The following KIF21A variants were observed in gnomAD, a reference collection of about 807,000 sequenced individuals.
The protein encoded by KIF21A is kinesin family member 21A, also known as kinesin-like protein KIF21A.
Under a neutral mutation model 202.9 loss-of-function variants are expected in KIF21A, and 114 were observed. The observed-to-expected ratio is 0.56, with a 90% CI of 0.48 to 0.66. KIF21A has a LOEUF of 0.66. Ranked by LOEUF, KIF21A falls within the 30% of genes least tolerant of loss-of-function variation. The probability of loss-of-function intolerance (pLI) is 0.00; values close to 1 mark genes in which losing one functional copy is unlikely to be tolerated. For missense variants in KIF21A, 1,677 were observed against 1,994.9 expected (o/e 0.84, Z 3.04); for synonymous variants, 667 against 670.8 (o/e 0.99, Z 0.09).
At chr12:39,347,236 CAA>C (rs899673466) in intron 11 of KIF21A, among the ~76,000 whole-genome samples, 2 of 124,806 alleles carry the variant, frequency 1.6e-5, no homozygotes. Flanking sequence ...GCAACAGTGG[CAA>C]AAAAAAAAGG....
intron 11 of KIF21A, among the ~76,000 whole-genome samples, chr12:39,347,246 A>AG (rs1051024614): frequency 1.3e-5 from 2 of 151,286 alleles, no homozygotes; most frequent in East Asian, 1.9e-4. Flanking sequence ...CAAAAAAAAA[A>AG]GGGGGGTGGG....
intron 17 of KIF21A, among the ~76,000 whole-genome samples, chr12:39,336,523 A>T (rs1195409668): frequency 6.6e-6 from 1 of 152,138 alleles, no homozygotes; most frequent in Non-Finnish European, 1.5e-5. Context: ...TCCTACTGTC[A>T]GGGATCTTGG....
chr12:39,384,162 T>A (rs544386102), intron 1 of KIF21A, among the ~76,000 whole-genome samples: 4 of 152,300 alleles, frequency 2.6e-5, no homozygotes, highest in Admixed American at 2.6e-4. Flanking sequence ...GGAAATCAAA[T>A]GTAAAATAAA....
In KIF21A at chr12:39,301,567, G is replaced by A. The variant is rs773513818; in HGVS notation, c.4844C>T (p.Thr1615Ile). 2.5e-6 allele frequency: 4 copies of A among 1,614,022 alleles called. No individual in the cohort carries two copies. The highest frequency in any genetic ancestry group is 1.1e-5 in the South Asian group (1 of 91,086). ...GGILKVWNMDTFMPVGEMKGH... is the reference protein window; with the variant it reads ...GGILKVWNMDIFMPVGEMKGH... ...CTTCATCTCTCCCACTGGCATAAAA[G>A]TATCCATGTTCCAGACTTTCAAAAT... The change falls in exon 37 of 38, where the codon ACT (threonine) becomes ATT (isoleucine). Residue 1615 changes from threonine (T) to isoleucine (I), a missense_variant. Physicochemically the swap from Thr to Ile is moderately conservative, Grantham distance 89. Coordinates refer to ENST00000361418, the MANE Select transcript of KIF21A (RefSeq NM_001173464.2).
At chr12:39,434,003 A>G (rs926793185) in intron 1 of KIF21A, among the ~76,000 whole-genome samples, 1 of 152,222 alleles carries the variant, frequency 6.6e-6, no homozygotes, top group African/African-American at 2.4e-5. Flanking sequence ...TCCAATTGCT[A>G]GAGTTTGGAA....
At chr12:39,420,627 A>G (rs1401927204) in intron 1 of KIF21A, among the ~76,000 whole-genome samples, 1 of 152,184 alleles carries the variant, frequency 6.6e-6, no homozygotes, top group African/African-American at 2.4e-5. Context: ...ACTGTAGGTC[A>G]TTAAGTCTTC....
intron 15 of KIF21A, 46 bp downstream of exon 15, chr12:39,340,860 T>C (rs1345602803): frequency 7.4e-7 from 1 of 1,352,770 alleles, no homozygotes. Flanking sequence ...AAACCCATTT[T>C]GAAGATTTAG....
intron 11 of KIF21A, among the ~76,000 whole-genome samples, chr12:39,348,242 A>C (rs1268304838): frequency 6.6e-6 from 1 of 152,072 alleles, no homozygotes; most frequent in African/African-American, 2.4e-5. Flanking sequence ...TTTTTACTTC[A>C]CTTAGTTCCC....
intron 1 of KIF21A, among the ~76,000 whole-genome samples, chr12:39,428,365 A>C (rs1445650026): frequency 6.6e-6 from 1 of 152,246 alleles, no homozygotes; most frequent in African/African-American, 2.4e-5. Context: ...TTTAAGTTTC[A>C]GACCTCATTT....
At position 39,398,985 on chromosome 12, in the gene KIF21A, A is replaced by T. The variant is rs540729059; in HGVS notation, c.45-28724T>A. Among the ~76,000 whole-genome samples, 4 of 152,292 alleles carry T rather than the reference A, an allele frequency of 2.6e-5. No individual in the cohort carries two copies. The South Asian group carries it at 8.3e-4, about 32-fold the overall frequency. Reference sequence around the variant, plus strand: ...ATGCCTGTACTCCCCACACTTTGGGAGGCTGAGGCAGGAGAATCACTTGAG... The same window carrying T: ...ATGCCTGTACTCCCCACACTTTGGGTGGCTGAGGCAGGAGAATCACTTGAG... On this transcript the variant is annotated intron_variant, in intron 1 of 37. Coordinates refer to ENST00000361418, the MANE Select transcript of KIF21A (RefSeq NM_001173464.2).
intron 1 of KIF21A, among the ~76,000 whole-genome samples, chr12:39,388,229 A>C (rs1273536971): frequency 6.6e-6 from 1 of 152,048 alleles, no homozygotes; most frequent in Non-Finnish European, 1.5e-5. Flanking sequence ...TGTTTCTGTA[A>C]GAACTGATTG....
intron 24 of KIF21A, among the ~76,000 whole-genome samples, chr12:39,329,767 G>T (rs1380763657): frequency 6.6e-6 from 1 of 151,986 alleles, no homozygotes; most frequent in Non-Finnish European, 1.5e-5. Flanking sequence ...GGATAGTTTT[G>T]TTCAGTTTAC....
chr12:39,399,522 G>A (rs1038280344), intron 1 of KIF21A, among the ~76,000 whole-genome samples: 4 of 152,176 alleles, frequency 2.6e-5, no homozygotes, highest in African/African-American at 4.8e-5. Context: ...TATTCATGAA[G>A]TTGTAAATAT....
intron 28 of KIF21A, among the ~76,000 whole-genome samples, chr12:39,318,894 T>C (rs902128439): frequency 6.6e-5 from 10 of 151,004 alleles, no homozygotes; most frequent in African/African-American, 2.0e-4. Context: ...GGCAGGAGAA[T>C]GGTGTGAACC....
At chr12:39,383,610 T>C (rs766165217) in intron 1 of KIF21A, among the ~76,000 whole-genome samples, 1 of 152,106 alleles carries the variant, frequency 6.6e-6, no homozygotes, top group Non-Finnish European at 1.5e-5. Flanking sequence ...GAATTTATAA[T>C]CTAATAATAA....
At chr12:39,335,288 T>A (rs1946862360) in intron 17 of KIF21A, among the ~76,000 whole-genome samples, 2 of 151,802 alleles carry the variant, frequency 1.3e-5, no homozygotes, top group African/African-American at 2.4e-5. Context: ...GGTGCATGCC[T>A]GTAGTCCCAG....
intron 33 of KIF21A, among the ~76,000 whole-genome samples, chr12:39,309,317 G>A (rs1046546109): frequency 6.6e-6 from 1 of 151,996 alleles, no homozygotes; most frequent in African/African-American, 2.4e-5. Context: ...TTATATTTGG[G>A]AGGGAGAAAA....
intron 1 of KIF21A, among the ~76,000 whole-genome samples, chr12:39,412,489 G>A (rs1024874294): frequency 1.6e-4 from 25 of 152,118 alleles, no homozygotes; most frequent in African/African-American, 6.0e-4. Flanking sequence ...GGCTAAGGTG[G>A]GCAGATCGCT....
chr12:39,417,474 G>A (rs761923237), intron 1 of KIF21A, among the ~76,000 whole-genome samples: 11 of 151,890 alleles, frequency 7.2e-5, no homozygotes, highest in African/African-American at 1.9e-4. Flanking sequence ...TATATTAGCC[G>A]GCTACTTTTT....
Sources: gnomAD v4.1 joint callset for allele counts (sites outside exome capture counted in the v4.1 genomes callset) on GRCh38, gnomAD v4.1.1 for gene constraint, MANE v1.5 for transcripts, NCBI Gene and HGNC (gene_info 2026-07-23, HGNC 2026-07-21) for gene names.